Variants in PARD6B observed in about 807,000 individuals in gnomAD.
PARD6B encodes partitioning defective 6 homolog beta.
In PARD6B, 4 loss-of-function variants were observed where a neutral mutation model predicts 10.5. That is an observed-to-expected ratio of 0.38 (90% CI 0.19 to 0.87). The LOEUF (loss-of-function observed/expected upper bound fraction) is 0.87, where lower values mean the gene tolerates loss of function less well. Among genes scored for constraint, PARD6B ranks in the 40% least tolerant of loss-of-function variants. PARD6B has a pLI of 0.41. For synonymous variants in PARD6B, 169 were observed against 170.4 expected (o/e 0.99, Z 0.07); for missense variants, 396 against 470.6 (o/e 0.84, Z 1.47).
intron 2 of PARD6B, among the ~76,000 whole-genome samples, chr20:50,743,604 A>G (rs987397964): frequency 5.3e-5 from 8 of 152,186 alleles, no homozygotes; most frequent in African/African-American, 1.9e-4. Context: ...GATATGGCCC[A>G]GAAATGAAAA....
At chr20:50,743,338 G>A (rs918151070) in intron 2 of PARD6B, among the ~76,000 whole-genome samples, 1 of 152,108 alleles carries the variant, frequency 6.6e-6, no homozygotes, top group African/African-American at 2.4e-5. Flanking sequence ...TTACCTCTTC[G>A]ATTTATTCTC....
intron 2 of PARD6B, among the ~76,000 whole-genome samples, chr20:50,747,256 GT>G (rs1051243120): frequency 1.3e-4 from 20 of 152,214 alleles, no homozygotes; most frequent in African/African-American, 4.3e-4. Flanking sequence ...AACTTACGTT[GT>G]ACCCTTAATT....
At chr20:50,735,943 CTG>C (rs1417407942) in intron 1 of PARD6B, among the ~76,000 whole-genome samples, 1 of 151,898 alleles carries the variant, frequency 6.6e-6, no homozygotes, top group Non-Finnish European at 1.5e-5. Context: ...GGAGGAGAAA[CTG>C]TGACTTTTGA....
Position 50,737,912 on chromosome 20 carries a change from A to G in PARD6B, c.122A>G (p.Glu41Gly). 1 of 1,609,788 alleles carries G rather than the reference A, an allele frequency of 6.2e-7. No individual in the cohort carries two copies. Among genetic ancestry groups the G allele is most frequent in the Non-Finnish European group, 8.5e-7 (1 of 1,178,516 alleles). The change falls in exon 2 of 3, where the codon GAG (glutamate) becomes GGG (glycine). Residue 41 changes from glutamate to glycine, a missense_variant. Transcript: ENST00000371610. ...GAAAGATCAAAACCTGGAAAATTTG[A>G]GGAGTTTTATGGATTACTACAACAT... ...SLERSKPGKFEEFYGLLQHVH... is the reference protein window; with the variant it reads ...SLERSKPGKFGEFYGLLQHVH...
intron 2 of PARD6B, among the ~76,000 whole-genome samples, chr20:50,741,878 G>A (rs1317552749): frequency 1.3e-5 from 2 of 152,140 alleles, no homozygotes; most frequent in East Asian, 3.9e-4. Context: ...TTGAGCAGAT[G>A]CTTAACTAGA....
intron 2 of PARD6B, among the ~76,000 whole-genome samples, chr20:50,738,969 T>A (rs58178180): frequency 6.6e-6 from 1 of 150,972 alleles, no homozygotes; most frequent in African/African-American, 2.4e-5. Context: ...TTTTTTAATC[T>A]CGTAGCCTTT....
chr20:50,742,570 T>C (rs949060994), intron 2 of PARD6B, among the ~76,000 whole-genome samples: 2 of 151,760 alleles, frequency 1.3e-5, no homozygotes, highest in African/African-American at 4.8e-5. Flanking sequence ...TTCACGACGT[T>C]AGCCAGGCTG....
intron 2 of PARD6B, 117 bp downstream of exon 2, chr20:50,738,196 C>T (rs2087510743): frequency 1.6e-6 from 1 of 621,894 alleles, no homozygotes; most frequent in Admixed American, 3.7e-5. Flanking sequence ...TGTGAATCTT[C>T]TTATGTTAAC....
Position 50,751,678 on chromosome 20 carries a change from T to G in PARD6B, c.*1190T>G. On this transcript the variant is annotated 3_prime_UTR_variant, in exon 3 of 3. Transcript: ENST00000371610. ...TCTGGTTTCTAAGAATCAAACCACT[T>G]GGCTGTTTTTAGGAGTTACTTCCCA... 1.0e-6 allele frequency: 1 copy of G among 984,598 alleles called. No homozygotes were observed. The highest frequency in any genetic ancestry group is 1.2e-6 in the Non-Finnish European group (1 of 829,860). The allele number at this position is 984,598 out of a possible 1,614,324, so 61.0% of individuals were successfully genotyped here.
In PARD6B at chr20:50,737,952, C is replaced by A; in HGVS notation, c.162C>A (p.Pro54=). The A allele has an allele frequency of 6.2e-7, 1 of 1,613,344 alleles. No homozygotes were observed. Among genetic ancestry groups the A allele is most frequent in the Non-Finnish European group, 8.5e-7 (1 of 1,179,710 alleles). ...YGLLQHVHKI[P]NVDVLVGYAD... Reference sequence around the variant, plus strand: ...TACTACAACATGTTCATAAGATCCCCAATGTTGACGTTTTGGTAGGCTATG... The same window carrying A: ...TACTACAACATGTTCATAAGATCCCAAATGTTGACGTTTTGGTAGGCTATG... The change falls in exon 2 of 3, where the codon CCC becomes CCA. Residue 54 remains proline (P), a synonymous_variant. Transcript: ENST00000371610.
intron 2 of PARD6B, 26 bp downstream of exon 2, chr20:50,738,105 G>GCTTTT (rs774484900): frequency 6.6e-7 from 1 of 1,509,864 alleles, no homozygotes. Context: ...TAGAAAAATT[G>GCTTTT]TGTTAGAAAT....
intron 2 of PARD6B, among the ~76,000 whole-genome samples, chr20:50,739,626 G>A (rs1435447504): frequency 6.6e-6 from 1 of 152,070 alleles, no homozygotes; most frequent in Non-Finnish European, 1.5e-5. Context: ...AACCTCCAAG[G>A]ATAACCTCTG....
At chr20:50,738,274 A>G (rs565710444) in intron 2 of PARD6B, among the ~76,000 whole-genome samples, 195 bp downstream of exon 2, 2 of 152,366 alleles carry the variant, frequency 1.3e-5, no homozygotes, top group South Asian at 4.1e-4. Flanking sequence ...CACTAAGTGT[A>G]CTTTAGAAAA....
At chr20:50,733,190 C>T (rs757779067) in intron 1 of PARD6B, among the ~76,000 whole-genome samples, 1 of 152,172 alleles carries the variant, frequency 6.6e-6, no homozygotes, top group Non-Finnish European at 1.5e-5. Flanking sequence ...GAGGCCGAGG[C>T]GGGTGGATCA....
chr20:50,737,892 A>C lies in PARD6B; in HGVS notation c.102A>C (p.Arg34Ser). The C allele has an allele frequency of 6.2e-7, 1 of 1,607,032 alleles. No individual in the cohort carries two copies. Among genetic ancestry groups the C allele is most frequent in the Non-Finnish European group, 8.5e-7 (1 of 1,177,180 alleles). ...AATTTCGTCGGTTTTCGCTGGAAAG[A>C]TCAAAACCTGGAAAATTTGAGGAGT... ...GAEFRRFSLE[R>S]SKPGKFEEFY... The change falls in exon 2 of 3, where the codon AGA becomes AGC. Residue 34 changes from arginine (R) to serine (S), a missense_variant. Around this residue, in one of 2 missense-constraint regions of PARD6B, gnomAD observed 208 missense variants for 300.9 expected, o/e 0.69. Transcript: ENST00000371610.
chr20:50,743,907 A>G (rs1430552937), intron 2 of PARD6B, among the ~76,000 whole-genome samples: 1 of 151,164 alleles, frequency 6.6e-6, no homozygotes, highest in Non-Finnish European at 1.5e-5. Flanking sequence ...AAAAAAAAAG[A>G]AATTGTGGAG....
chr20:50,743,701 G>A lies in PARD6B; in HGVS notation c.289+5622G>A, dbSNP rs187087109. On this transcript the variant is annotated intron_variant, in intron 2 of 2. Coordinates refer to ENST00000371610, the MANE Select transcript of PARD6B (RefSeq NM_032521.3). ...CAGGAGATCGAGACCATCCTGGCTA[G>A]CATGGTGAAACCGTGTCTCTACTAA... Among the ~76,000 whole-genome samples, 138 of 152,040 alleles carry A rather than the reference G, an allele frequency of 9.1e-4. No homozygotes were observed. In the Middle Eastern group the frequency reaches 0.01, roughly 11 times the overall value.
At chr20:50,743,691 A>G (rs1040915761) in intron 2 of PARD6B, among the ~76,000 whole-genome samples, 5 of 152,092 alleles carry the variant, frequency 3.3e-5, no homozygotes, top group East Asian at 3.9e-4. Flanking sequence ...GATCGAGACC[A>G]TCCTGGCTAG....
rs1316891216 is a variant in PARD6B, at chr20:50,750,468, G to A, written c.1099G>A (p.Gly367Arg). ...AGATCAAAAACTCTTAGAAGAAGAT[G>A]GAACAATCATAACATTATGAAACCG... ...APDQKLLEED[G>R]TIITL is the part of the protein sequence containing the mutation. Residue 367 changes from glycine (G) to arginine (R), a missense_variant, in exon 3 of 3, where the codon GGA (glycine) becomes AGA (arginine). Physicochemically the swap from Gly to Arg is moderately radical, Grantham distance 125 (BLOSUM62 -2). Around this residue, in one of 2 missense-constraint regions of PARD6B, gnomAD observed 188 missense variants for 169.7 expected, o/e 1.11. Coordinates refer to ENST00000371610, the MANE Select transcript of PARD6B (RefSeq NM_032521.3). 2 of 1,613,108 alleles carry A rather than the reference G, an allele frequency of 1.2e-6. No individual in the cohort carries two copies. The highest frequency in any genetic ancestry group is 4.5e-5 in the East Asian group (2 of 44,876).
Sources: allele counts gnomAD v4.1 joint callset (sites outside exome capture counted in the v4.1 genomes callset), GRCh38; gene constraint gnomAD v4.1.1; regional missense constraint gnomAD v4.1.1; transcripts MANE v1.5; gene names NCBI Gene and HGNC (gene_info 2026-07-23, HGNC 2026-07-21).